Variants in TSPAN4 observed in about 807,000 individuals in gnomAD.
TSPAN4 encodes tetraspanin 4, also known as tetraspanin-4.
A neutral mutation model predicts 31.5 loss-of-function variants in TSPAN4; 38 were observed. The observed-to-expected ratio is 1.21, with a 90% CI of 0.93 to 1.58. The LOEUF is 1.58. Among genes scored for constraint, TSPAN4 ranks in the 40% most tolerant of loss-of-function variants. TSPAN4 has a pLI of 0.00. For missense variants in TSPAN4, 330 were observed against 317.3 expected (o/e 1.04, Z -0.30); for synonymous variants, 186 against 144.6 (o/e 1.29, Z -2.06).
chr11:846,842 ATGTGTCTTGGCC>A (rs1474917015), intron 1 of TSPAN4, among the ~76,000 whole-genome samples: 3 of 152,168 alleles, frequency 2.0e-5, no homozygotes, highest in African/African-American at 7.2e-5. Context: ...GGGTGCAAGC[ATGTGTCTTGGCC>A]TGTGTCTCTG....
intron 1 of TSPAN4, 51 bp from the exon 2 acceptor site, chr11:847,150 C>G (rs906108056): frequency 1.3e-5 from 2 of 152,326 alleles, no homozygotes; most frequent in Non-Finnish European, 2.9e-5. Context: ...TCTGGCTGTA[C>G]AGCTGAGGGT....
rs1216630198 is a variant in TSPAN4 at position 848,692 on chromosome 11, C to T, written c.-18+1392C>T. On this transcript the variant is annotated intron_variant, in intron 2 of 8. Coordinates refer to ENST00000397397, the MANE Select transcript of TSPAN4 (RefSeq NM_003271.5). The surrounding 1 kb of genome is among the most constrained non-coding windows in gnomAD (Gnocchi z 5.7). ...TAGCTTCCTCTCCCTCCTCTTCCTCCTGCCCTTCCTCATTCCCCACCTCTG... is the reference window on the plus strand; with the variant it reads ...TAGCTTCCTCTCCCTCCTCTTCCTCTTGCCCTTCCTCATTCCCCACCTCTG... 2 of 512,006 alleles carry T rather than the reference C, an allele frequency of 3.9e-6. No homozygotes were observed. Among genetic ancestry groups the T allele is most frequent in the Non-Finnish European group, 6.9e-6 (2 of 288,268 alleles). 31.7% of individuals were successfully genotyped at this position (512,006 alleles called of 1,614,324 possible). A position where few individuals can be genotyped will look rare whatever the true frequency, so the allele number is the denominator to read the frequency against.
intron 3 of TSPAN4, among the ~76,000 whole-genome samples, chr11:851,817 CGGCA>C (rs761306313): frequency 4.6e-5 from 7 of 151,708 alleles, no homozygotes; most frequent in African/African-American, 1.7e-4. Flanking sequence ...TGTGGGGGCC[CGGCA>C]GGCAGGCAGG....
At chr11:851,783 G>A (rs1847756511) in intron 3 of TSPAN4, among the ~76,000 whole-genome samples, 1 of 151,844 alleles carries the variant, frequency 6.6e-6, no homozygotes, top group South Asian at 2.1e-4. Context: ...GGGGGACGGG[G>A]CAGAATGACT....
chr11:866,708 C>T lies in TSPAN4; in HGVS notation c.*78C>T, dbSNP rs1848873428. 1.3e-5 allele frequency: 18 copies of T among 1,380,384 alleles called. No individual in the cohort carries two copies. The highest frequency in any genetic ancestry group is 1.8e-5 in the Non-Finnish European group (18 of 1,007,662). The allele number at this position is 1,380,384 out of a possible 1,614,324, so 85.5% of individuals were successfully genotyped here. A position where few individuals can be genotyped will look rare whatever the true frequency, so the allele number is the denominator to read the frequency against. Reference sequence around the variant, plus strand: ...CACCCACAGCTGCCTTTCCCACCACCAGCCTCGGTGCTCTGCCCCATGCTG... The same window carrying T: ...CACCCACAGCTGCCTTTCCCACCACTAGCCTCGGTGCTCTGCCCCATGCTG... On this transcript the variant is annotated 3_prime_UTR_variant, in exon 9 of 9. Transcript: ENST00000397397.
intron 3 of TSPAN4, among the ~76,000 whole-genome samples, chr11:855,761 A>T (rs901390508): frequency 2.6e-5 from 4 of 152,228 alleles, no homozygotes; most frequent in African/African-American, 9.6e-5. Flanking sequence ...CCTGGAAACC[A>T]GCATCCCAGC....
chr11:866,897 T>C lies in TSPAN4; in HGVS notation c.*267T>C. 2 of 449,100 alleles carry C rather than the reference T, an allele frequency of 4.5e-6. No homozygotes were observed. Among genetic ancestry groups the C allele is most frequent in the East Asian group, 7.5e-5 (2 of 26,720 alleles). 27.8% of individuals were successfully genotyped at this position (449,100 alleles called of 1,614,324 possible). The stretch of plus-strand genomic sequence containing the variant: ...TGGGAGGGGCCTCCAGCACTTTTTA[T>C]ATTTACGTATTCTCCAAAGCAGTGT... On this transcript the variant is annotated 3_prime_UTR_variant, in exon 9 of 9. Transcript: ENST00000397397.
intron 1 of TSPAN4, among the ~76,000 whole-genome samples, chr11:845,424 A>G (rs539031131): frequency 6.6e-6 from 1 of 152,136 alleles, no homozygotes; most frequent in African/African-American, 2.4e-5. Flanking sequence ...CGGCGCTGTG[A>G]GCGGTGGGGC....
At chr11:861,503 G>A (rs537001223) in intron 3 of TSPAN4, among the ~76,000 whole-genome samples, 1 of 152,274 alleles carries the variant, frequency 6.6e-6, no homozygotes, top group East Asian at 1.9e-4. Flanking sequence ...ACGAGGTTGG[G>A]AGATCAAGAC....
At chr11:856,418 C>T (rs554239260) in intron 3 of TSPAN4, among the ~76,000 whole-genome samples, 1 of 152,052 alleles carries the variant, frequency 6.6e-6, no homozygotes, top group African/African-American at 2.4e-5. Flanking sequence ...GCCCCAGGCA[C>T]CGCTGACTGG....
chr11:850,163 CG>C, intron 2 of TSPAN4, 124 bp from the exon 3 acceptor site: 3 of 723,972 alleles, frequency 4.1e-6, no homozygotes, highest in South Asian at 4.0e-5. Flanking sequence ...GCGGGGACGC[CG>C]GGGGCTCCTT....
intron 1 of TSPAN4, 42 bp downstream of exon 1, chr11:842,957 C>T (rs1048438855): frequency 2.0e-5 from 3 of 153,400 alleles, no homozygotes; most frequent in Non-Finnish European, 4.4e-5. Context: ...GCCAGGGTCC[C>T]GTGGCCGGAG....
chr11:844,709 G>A (rs936368130), intron 1 of TSPAN4: 3 of 151,916 alleles, frequency 2.0e-5, no homozygotes, highest in Middle Eastern at 3.2e-3. Context: ...TGGCTTCTGG[G>A]GGGGGGGGTC....
chr11:850,207 C>A, intron 2 of TSPAN4, 81 bp from the exon 3 acceptor site: 2 of 1,187,212 alleles, frequency 1.7e-6, no homozygotes, highest in Non-Finnish European at 2.4e-6. Flanking sequence ...GGCCCCAAGG[C>A]GGCCCAGGCG....
Position 848,095 on chromosome 11 carries a change from G to A in TSPAN4, c.-18+795G>A, listed in dbSNP as rs750807888. Among the ~76,000 whole-genome samples the A allele has an allele frequency of 6.6e-6, 1 of 152,232 alleles. No homozygotes were observed. The highest frequency in any genetic ancestry group is 1.5e-5 in the Non-Finnish European group (1 of 68,044). On this transcript the variant is annotated intron_variant, in intron 2 of 8. Coordinates refer to ENST00000397397, the MANE Select transcript of TSPAN4 (RefSeq NM_003271.5). This position sits in a 1 kb window ranked among gnomAD's most constrained non-coding sequence, Gnocchi z 5.7. ...GGTCACATGTGAGCTCCCTGGAGGC[G>A]CTGCACACGGCTGAGTGTCTGCCCT...
intron 3 of TSPAN4, among the ~76,000 whole-genome samples, chr11:851,484 C>T (rs1847722331): frequency 6.6e-6 from 1 of 152,224 alleles, no homozygotes; most frequent in Non-Finnish European, 1.5e-5. Flanking sequence ...CTCCTGAGCC[C>T]AGGCTCCTTC....
At chr11:849,637 G>A (rs529127072) in intron 2 of TSPAN4, among the ~76,000 whole-genome samples, 53 of 152,068 alleles carry the variant, frequency 3.5e-4, no homozygotes, top group Non-Finnish European at 6.3e-4. Context: ...AAGGTGGGGG[G>A]GCTGGGGCGC....
At chr11:865,894 C>T (rs980466815) in intron 7 of TSPAN4, 24 bp from the exon 8 acceptor site, 3 of 1,612,906 alleles carry the variant, frequency 1.9e-6, no homozygotes, top group African/African-American at 1.3e-5. Context: ...CCTGCCGTGA[C>T]ACGCATGACA....
At chr11:862,390 C>A (rs957360960) in intron 3 of TSPAN4, 160 bp from the exon 4 acceptor site, 5 of 619,344 alleles carry the variant, frequency 8.1e-6, no homozygotes, top group Middle Eastern at 4.4e-4. Flanking sequence ...GCCCTGGACA[C>A]CCCCCCGGGC....
Sources: allele counts gnomAD v4.1 joint callset (sites outside exome capture counted in the v4.1 genomes callset), GRCh38; gene constraint gnomAD v4.1.1; non-coding constraint Gnocchi (gnomAD v3.1); transcripts MANE v1.5; gene names NCBI Gene and HGNC (gene_info 2026-07-23, HGNC 2026-07-21).